The following FGF13 variants were observed in gnomAD, a reference collection of about 807,000 sequenced individuals.
The protein encoded by FGF13 is fibroblast growth factor 13, also known as fibroblast growth factor homologous factor 2.
Under a neutral mutation model 19.5 loss-of-function variants are expected in FGF13, and 2 were observed. That is an observed-to-expected ratio of 0.10 (90% CI 0.04 to 0.32). The LOEUF (loss-of-function observed/expected upper bound fraction) is 0.32. FGF13 is among the 10% of genes least tolerant of loss of function. The probability of loss-of-function intolerance (pLI) is 1.00; values close to 1 mark genes in which losing one functional copy is unlikely to be tolerated. For missense variants in FGF13, 113 were observed against 192.7 expected (o/e 0.59, Z 2.45); for synonymous variants, 72 against 76.9 (o/e 0.94, Z 0.33).
intron 1 of FGF13, among the ~76,000 whole-genome samples, chrX:138,903,245 C>T (rs1233545394): frequency 9.0e-6 from 1 of 111,257 alleles, no homozygotes; most frequent in Admixed American, 9.6e-5. Flanking sequence ...GAGTAGGAAC[C>T]AATAAAACTA....
chrX:138,834,902 A>G (rs1383058752), intron 3 of FGF13, among the ~76,000 whole-genome samples: 2 of 111,599 alleles, frequency 1.8e-5, no homozygotes, highest in African/African-American at 6.5e-5. Context: ...TTCTGCCTAA[A>G]TTTTATTATT....
At chrX:138,735,909 C>T (rs1286059036) in intron 1 of FGF13, among the ~76,000 whole-genome samples, 2 of 112,068 alleles carry the variant, frequency 1.8e-5, no homozygotes, top group East Asian at 5.6e-4. Flanking sequence ...CACAAAAAGG[C>T]TCCTTTCTTT....
At chrX:138,755,477 T>C (rs1462036774) in intron 3 of FGF13, among the ~76,000 whole-genome samples, 3 of 112,840 alleles carry the variant, frequency 2.7e-5, no homozygotes, top group Non-Finnish European at 3.7e-5. Flanking sequence ...TTCAAAAATA[T>C]GATCTAATGC....
chrX:138,675,176 G>A (rs1471814787), intron 3 of FGF13, among the ~76,000 whole-genome samples: 1 of 112,105 alleles, frequency 8.9e-6, no homozygotes, highest in Non-Finnish European at 1.9e-5. Flanking sequence ...GATAACTTAT[G>A]TTGTCATGAG....
intron 1 of FGF13, among the ~76,000 whole-genome samples, chrX:138,733,298 T>C (rs1411754922): frequency 8.9e-6 from 1 of 111,821 alleles, no homozygotes; most frequent in East Asian, 2.8e-4. Flanking sequence ...TGTATTCATG[T>C]AAAAATGTTT....
intron 1 of FGF13, among the ~76,000 whole-genome samples, chrX:138,910,355 G>A (rs897490884): frequency 2.1e-4 from 23 of 111,035 alleles, no homozygotes; most frequent in African/African-American, 7.5e-4. Flanking sequence ...GTTTAGCCTA[G>A]AGGTGACATT....
Position 138,627,397 on chromosome X carries a change from C to T in FGF13, c.*5453G>A, listed in dbSNP as rs973951027. 2.4e-4 allele frequency: 27 copies of T among 111,407 alleles called. No individual in the cohort carries two copies. The highest frequency in any genetic ancestry group is 8.8e-4 in the African/African-American group (27 of 30,628). The allele number at this position is 111,407 out of a possible 1,213,427, so 9.2% of individuals were successfully genotyped here. ...TTACAGTACAAAATATGTAGATATGCTAACATGTTGTAGGGCAAACCTGGG... is the reference window on the plus strand; with the variant it reads ...TTACAGTACAAAATATGTAGATATGTTAACATGTTGTAGGGCAAACCTGGG... On this transcript the variant is annotated 3_prime_UTR_variant, in exon 5 of 5. Coordinates refer to ENST00000315930, the MANE Select transcript of FGF13 (RefSeq NM_004114.5).
chrX:138,994,959 G>A (rs139128525), intron 1 of FGF13, among the ~76,000 whole-genome samples: 965 of 93,296 alleles, frequency 0.01, 10 homozygotes, highest in African/African-American at 0.036. Context: ...CCAACTCAAG[G>A]ACACCAATTC....
At chrX:138,775,307 AG>A (rs764691956) in intron 3 of FGF13, among the ~76,000 whole-genome samples, 1 of 112,256 alleles carries the variant, frequency 8.9e-6, no homozygotes, top group East Asian at 2.8e-4. Flanking sequence ...ATTGATAATC[AG>A]GAAGAGAAAA....
At chrX:138,733,260 T>C (rs1413730759) in intron 1 of FGF13, among the ~76,000 whole-genome samples, 1 of 111,838 alleles carries the variant, frequency 8.9e-6, no homozygotes, top group African/African-American at 3.2e-5. Flanking sequence ...TAAATCTTTT[T>C]GTGTTATTTA....
rs2089041203 is a variant in FGF13, at chrX:138,624,541, A to G, written c.*8309T>C. On this transcript the variant is annotated 3_prime_UTR_variant, in exon 5 of 5. Coordinates refer to ENST00000315930, the MANE Select transcript of FGF13 (RefSeq NM_004114.5). Reference sequence around the variant, plus strand: ...TTTTTGGCTGTAACACCAAAAGCACATGCAACAAAGTAAAAATAAACAAGT... The same window carrying G: ...TTTTTGGCTGTAACACCAAAAGCACGTGCAACAAAGTAAAAATAAACAAGT... The G allele has an allele frequency of 8.9e-6, 1 of 111,910 alleles. No individual in the cohort carries two copies. The highest frequency in any genetic ancestry group is 1.9e-5 in the Non-Finnish European group (1 of 53,051). The allele number at this position is 111,910 out of a possible 1,213,427, so 9.2% of individuals were successfully genotyped here. A position where few individuals can be genotyped will look rare whatever the true frequency, so the allele number is the denominator to read the frequency against.
At chrX:138,650,411 G>T (rs188904928) in intron 3 of FGF13, among the ~76,000 whole-genome samples, 1 of 111,659 alleles carries the variant, frequency 9.0e-6, no homozygotes, top group African/African-American at 3.3e-5. Context: ...CCTAAAACCA[G>T]ATCTTTCAGA....
intron 1 of FGF13, among the ~76,000 whole-genome samples, chrX:138,934,621 T>C (rs1323552015): frequency 8.9e-6 from 1 of 112,414 alleles, no homozygotes; most frequent in Non-Finnish European, 1.9e-5. Context: ...CGAGATGAAA[T>C]GTGCTGTAGG....
Position 138,828,438 on chromosome X carries a change from C to T in FGF13, c.217+29074G>A, listed in dbSNP as rs773326663. Among the ~76,000 whole-genome samples the T allele has an allele frequency of 5.2e-3, 568 of 109,927 alleles. 2 individuals carry two copies. The highest frequency in any genetic ancestry group is 0.028 in the Middle Eastern group (6 of 214). On this transcript the variant is annotated intron_variant, in intron 3 of 6. Coordinates refer to the FGF13 transcript ENST00000436198. ...AAAAAAAATTAGCCGGGCGTGGTGG[C>T]GGGCGCCTGTAGTCCCAGCTACTCG...
intron 3 of FGF13, among the ~76,000 whole-genome samples, chrX:138,762,800 C>T (rs192120306): frequency 5.2e-4 from 58 of 112,048 alleles, no homozygotes; most frequent in African/African-American, 1.8e-3. Context: ...AAGCAATATC[C>T]AGCATATAAT....
chrX:138,996,238 C>T (rs943556887), intron 1 of FGF13, among the ~76,000 whole-genome samples: 8 of 112,526 alleles, frequency 7.1e-5, no homozygotes, highest in African/African-American at 2.3e-4. Flanking sequence ...TCACCTCACC[C>T]GGGAAGTGCA....
At chrX:138,780,429 G>T (rs1258045170) in intron 3 of FGF13, among the ~76,000 whole-genome samples, 2 of 90,398 alleles carry the variant, frequency 2.2e-5, no homozygotes, top group Non-Finnish European at 4.2e-5. Context: ...CATCTCACCT[G>T]CAGAGACACA....
chrX:139,133,364 T>A (rs115639168), intron 1 of FGF13, among the ~76,000 whole-genome samples: 1,617 of 89,328 alleles, frequency 0.018, 30 homozygotes, highest in African/African-American at 0.065. Context: ...AAAAAAAAAA[T>A]TCTCACCAGA....
intron 1 of FGF13, among the ~76,000 whole-genome samples, chrX:138,716,884 G>C (rs1379563033): frequency 8.9e-6 from 1 of 111,907 alleles, no homozygotes; most frequent in Non-Finnish European, 1.9e-5. Flanking sequence ...CACTAGGATG[G>C]TGGCTTGGTT....
Sources: allele counts gnomAD v4.1 joint callset (sites outside exome capture counted in the v4.1 genomes callset), GRCh38; gene constraint gnomAD v4.1.1; transcripts MANE v1.5; gene names NCBI Gene and HGNC (gene_info 2026-07-23, HGNC 2026-07-21).